Variants in POLR1C observed in about 807,000 individuals in gnomAD.
POLR1C encodes the protein RNA polymerase I and III subunit C.
A neutral mutation model predicts 38.3 loss-of-function variants in POLR1C; 42 were observed. The ratio of observed to expected loss-of-function variants is 1.10; its 90% CI spans 0.86 to 1.42. POLR1C has a LOEUF of 1.42. Ranked by LOEUF, POLR1C falls within the 40% of genes most tolerant of loss-of-function variation. The pLI is 0.00. For missense variants in POLR1C, 507 were observed against 450.5 expected (o/e 1.13, Z -1.14); for synonymous variants, 163 against 163.9 (o/e 0.99, Z 0.04).
rs1794979558 is a variant in POLR1C, at chr6:43,546,703, C to G, written c.*5-4265C>G. On this transcript the variant is annotated intron_variant, in intron 9 of 10. Transcript: ENST00000607635. ...TTTGGCCTCTTCTAGGTCAGTGGGCCAGCAAGTTCGTTTCACCACACCCAG... is the reference window on the plus strand; with the variant it reads ...TTTGGCCTCTTCTAGGTCAGTGGGCGAGCAAGTTCGTTTCACCACACCCAG... The G allele has an allele frequency of 6.2e-7, 1 of 1,612,222 alleles. No homozygotes were observed. Among genetic ancestry groups the G allele is most frequent in the African/African-American group, 1.3e-5 (1 of 74,732 alleles).
downstream of POLR1C, among the ~76,000 whole-genome samples, chr6:43,531,971 A>G (rs1794016841): frequency 6.6e-6 from 1 of 152,228 alleles, no homozygotes; most frequent in South Asian, 2.1e-4. Context: ...CACTTACCTT[A>G]GTATTAAAAA....
downstream of POLR1C, chr6:43,525,503 G>T: frequency 2.0e-6 from 1 of 498,296 alleles, no homozygotes; most frequent in East Asian, 3.4e-5. Flanking sequence ...CTATTTTTGT[G>T]TATTGCCAGT....
downstream of POLR1C, among the ~76,000 whole-genome samples, chr6:43,531,033 T>C (rs1450457947): frequency 6.6e-6 from 1 of 152,330 alleles, no homozygotes; most frequent in Non-Finnish European, 1.5e-5. Flanking sequence ...TACTATTTAA[T>C]GTGGACTTAC....
intron 9 of POLR1C, among the ~76,000 whole-genome samples, chr6:43,545,864 G>T (rs535095506): frequency 2.0e-5 from 3 of 151,996 alleles, no homozygotes; most frequent in Admixed American, 1.3e-4. Context: ...GCCTATACTG[G>T]CCTACTTCCA....
At chr6:43,562,047 T>C (rs1460107837) in exon 11 of POLR1C, 2 of 440,114 alleles carry the variant, frequency 4.5e-6, no homozygotes, top group Non-Finnish European at 8.0e-6. Flanking sequence ...GTATAACTAT[T>C]TTATTGTTAA....
intron 10 of POLR1C, among the ~76,000 whole-genome samples, chr6:43,551,745 G>A (rs1429367003): frequency 6.6e-6 from 1 of 152,006 alleles, no homozygotes; most frequent in Non-Finnish European, 1.5e-5. Context: ...CGACCAGGCT[G>A]GTCTCAAACT....
chr6:43,530,526 C>T, downstream of POLR1C: 1 of 844,618 alleles, frequency 1.2e-6, no homozygotes, highest in Non-Finnish European at 1.7e-6. Context: ...TTCATGTTTT[C>T]CCTGCAATCT....
downstream of POLR1C, chr6:43,523,920 G>A (rs369309281): frequency 1.5e-4 from 247 of 1,614,022 alleles, no homozygotes; most frequent in Non-Finnish European, 1.9e-4. Flanking sequence ...CAGCACCTCC[G>A]TCTCCAGCAT....
At chr6:43,548,519 T>C (rs1795073508) in intron 9 of POLR1C, 12 of 1,399,770 alleles carry the variant, frequency 8.6e-6, no homozygotes, top group East Asian at 2.5e-5. Context: ...CAAGGAGAGG[T>C]GGCTTACTCA....
chr6:43,554,616 G>A (rs899362276), intron 10 of POLR1C, among the ~76,000 whole-genome samples: 6 of 151,826 alleles, frequency 4.0e-5, no homozygotes, highest in African/African-American at 1.5e-4. Flanking sequence ...TAGAGACAGG[G>A]TTTTGCCATG....
At chr6:43,535,051 G>T (rs982609325) in intron 9 of POLR1C, among the ~76,000 whole-genome samples, 2 of 151,772 alleles carry the variant, frequency 1.3e-5, no homozygotes, top group African/African-American at 4.8e-5. Flanking sequence ...CCAGCACTTT[G>T]GGAGGCTGAG....
At chr6:43,535,000 AACCCCC>A (rs1794227222) in intron 9 of POLR1C, among the ~76,000 whole-genome samples, 1 of 150,940 alleles carries the variant, frequency 6.6e-6, no homozygotes, top group African/African-American at 2.5e-5. Context: ...ATCTCAAAAA[AACCCCC>A]CAAAGGCCAG....
downstream of POLR1C, among the ~76,000 whole-genome samples, chr6:43,531,190 C>A (rs1177139643): frequency 6.6e-6 from 1 of 152,182 alleles, no homozygotes; most frequent in Non-Finnish European, 1.5e-5. Context: ...AGGGTCTAAG[C>A]AATCCCCACC....
chr6:43,540,347 C>T (rs1006111874), intron 9 of POLR1C, among the ~76,000 whole-genome samples: 8 of 152,312 alleles, frequency 5.3e-5, no homozygotes, highest in African/African-American at 1.2e-4. Flanking sequence ...GGCGAGGTGG[C>T]GGGCACCTGT....
chr6:43,527,614 A>C (rs1793682574), intron 8 of POLR1C: 1 of 1,613,064 alleles, frequency 6.2e-7, no homozygotes, highest in East Asian at 2.2e-5. Flanking sequence ...CTATAGCCCC[A>C]GTTTCGACAT....
rs1400332240 is a variant in POLR1C, at chr6:43,558,212, ATGG to A, written c.*49-3186_*49-3184del. ...GGGAAAGAAATAACCATAAGGTAAG[ATGG>A]TATTTAATCCTAAGTATGAAAAAAA... On this transcript the variant is annotated intron_variant, in intron 10 of 10. Transcript: ENST00000607635. Among the ~76,000 whole-genome samples the A allele has an allele frequency of 3.9e-5, 6 of 152,314 alleles. No homozygotes were observed. The East Asian group carries it at 1.2e-3, about 29-fold the overall frequency.
intron 8 of POLR1C, 30 bp downstream of exon 8, chr6:43,521,078 A>C: frequency 6.3e-7 from 1 of 1,599,792 alleles, no homozygotes; most frequent in Non-Finnish European, 8.6e-7. Context: ...ATGAGTGGGC[A>C]GTGCTCTTTG....
At chr6:43,537,035 T>C (rs1172146307) in intron 9 of POLR1C, among the ~76,000 whole-genome samples, 3 of 152,098 alleles carry the variant, frequency 2.0e-5, no homozygotes, top group Non-Finnish European at 2.9e-5. Context: ...GGTGTGTTCA[T>C]AGCTCACTGC....
intron 3 of POLR1C, 130 bp from the exon 4 acceptor site, chr6:43,519,576 T>G (rs1793029533): frequency 6.8e-7 from 1 of 1,479,148 alleles, no homozygotes; most frequent in East Asian, 2.3e-5. Context: ...TACCTTCTCA[T>G]TCTTTGTAAA....
Sources: allele counts gnomAD v4.1 joint callset (sites outside exome capture counted in the v4.1 genomes callset), GRCh38; gene constraint gnomAD v4.1.1; transcripts MANE v1.5; gene names NCBI Gene and HGNC (gene_info 2026-07-23, HGNC 2026-07-21).